The following INTS8 variants were observed in gnomAD, a reference collection of about 807,000 sequenced individuals.
INTS8 encodes the protein integrator complex subunit 8, also known as protein kaonashi-1.
A neutral mutation model predicts 138.9 loss-of-function variants in INTS8; 47 were observed. The observed-to-expected ratio is 0.34, with a 90% CI of 0.27 to 0.43. The LOEUF is 0.43. INTS8 is among the 20% of genes least tolerant of loss of function. The pLI, the probability that INTS8 is intolerant of heterozygous loss-of-function variation, is 1.00. For synonymous variants in INTS8, 392 were observed against 400.9 expected (o/e 0.98, Z 0.27); for missense variants, 996 against 1,173.0 (o/e 0.85, Z 2.20).
intron 8 of INTS8, among the ~76,000 whole-genome samples, chr8:94,840,528 AG>A (rs1815094319): frequency 6.6e-6 from 1 of 150,800 alleles, no homozygotes; most frequent in Non-Finnish European, 1.5e-5. Context: ...ATCACTTGTT[AG>A]CATGTTTTTT....
chr8:94,866,887 T>G (rs1359935143), intron 18 of INTS8: 2 of 398,676 alleles, frequency 5.0e-6, no homozygotes, highest in Non-Finnish European at 9.0e-6. Context: ...TGTGAGGAGT[T>G]GAGCGTGGAG....
At chr8:94,858,597 G>A (rs1224903601) in intron 15 of INTS8, among the ~76,000 whole-genome samples, 4 of 152,168 alleles carry the variant, frequency 2.6e-5, no homozygotes, top group Non-Finnish European at 5.9e-5. Flanking sequence ...TAAGCTTCAG[G>A]TGCATAACTC....
intron 21 of INTS8, 123 bp downstream of exon 21, chr8:94,872,125 A>C: frequency 1.7e-6 from 1 of 586,814 alleles, no homozygotes; most frequent in Non-Finnish European, 3.0e-6. Flanking sequence ...TCTTTAGTAA[A>C]ATTAAAGCAG....
chr8:94,862,994 G>T (rs11782617), intron 16 of INTS8, among the ~76,000 whole-genome samples: 28,249 of 151,904 alleles, frequency 0.19, 2,765 homozygotes, highest in Middle Eastern at 0.28. Context: ...CATATATTAC[G>T]TAATCACAAA....
At chr8:94,863,095 T>C (rs1816053144) in intron 16 of INTS8, among the ~76,000 whole-genome samples, 2 of 152,172 alleles carry the variant, frequency 1.3e-5, no homozygotes, top group Admixed American at 1.3e-4. Context: ...TCAGAGTGGG[T>C]GGCAGTGTCA....
chr8:94,858,064 T>C (rs928140151), intron 15 of INTS8, among the ~76,000 whole-genome samples: 5 of 152,236 alleles, frequency 3.3e-5, no homozygotes, highest in Non-Finnish European at 7.3e-5. Context: ...TAATTGTAAA[T>C]GTCTTACTAT....
At chr8:94,853,070 G>C (rs988214972) in intron 13 of INTS8, among the ~76,000 whole-genome samples, 7 of 152,188 alleles carry the variant, frequency 4.6e-5, no homozygotes, top group Non-Finnish European at 4.4e-5. Flanking sequence ...CCAGCACTTT[G>C]GGGAGCTGAG....
chr8:94,838,616 C>G lies in INTS8; in HGVS notation c.1015C>G (p.Gln339Glu), dbSNP rs1407452097. ...TATTTGTTTGAGATCTGGCAACTAT[C>G]AGGTAAGGTGTATGAGGGGGATGCA... ...VHICLRSGNY[Q>E]EVIQIFIEDN... Residue 339 changes from glutamine (Q) to glutamate (E), a missense_variant and splice_region_variant, in exon 8 of 27, where the codon CAG (glutamine) becomes GAG (glutamate). Physicochemically the swap from Gln to Glu is conservative, Grantham distance 29. Coordinates refer to ENST00000523731, the MANE Select transcript of INTS8 (RefSeq NM_017864.4). 4 of 1,612,150 alleles carry G rather than the reference C, an allele frequency of 2.5e-6. No homozygotes were observed. Among genetic ancestry groups the G allele is most frequent in the Non-Finnish European group, 3.4e-6 (4 of 1,178,488 alleles).
intron 20 of INTS8, among the ~76,000 whole-genome samples, chr8:94,868,503 G>A (rs1586522841): frequency 6.6e-6 from 1 of 152,184 alleles, no homozygotes; most frequent in Admixed American, 6.5e-5. Context: ...ACTTACTGAG[G>A]CTTGTTTCCC....
At chr8:94,861,610 T>C (rs1323897827) in intron 16 of INTS8, among the ~76,000 whole-genome samples, 1 of 149,174 alleles carries the variant, frequency 6.7e-6, no homozygotes, top group Non-Finnish European at 1.5e-5. Context: ...TGGCGTGCAA[T>C]GGCACGATCT....
chr8:94,827,075 A>G (rs1814536301), intron 2 of INTS8, among the ~76,000 whole-genome samples, 188 bp from the exon 3 acceptor site: 1 of 152,212 alleles, frequency 6.6e-6, no homozygotes, highest in South Asian at 2.1e-4. Flanking sequence ...ACTGCACTCC[A>G]GCCTGGGCGA....
chr8:94,831,021 C>T (rs1814693726), intron 5 of INTS8, among the ~76,000 whole-genome samples: 1 of 152,152 alleles, frequency 6.6e-6, no homozygotes, highest in Non-Finnish European at 1.5e-5. Flanking sequence ...TGGTCTTGAA[C>T]TCCTGACCTC....
chr8:94,865,014 A>G (rs951453820), intron 16 of INTS8, among the ~76,000 whole-genome samples: 12 of 147,964 alleles, frequency 8.1e-5, no homozygotes, highest in African/African-American at 7.4e-5. Context: ...CGTTGAAACA[A>G]TTTTTTTTTT....
intron 16 of INTS8, 31 bp from the exon 17 acceptor site, chr8:94,865,475 T>A (rs2131059569): frequency 6.3e-7 from 1 of 1,579,398 alleles, no homozygotes; most frequent in Admixed American, 1.7e-5. Context: ...TTACAGATTA[T>A]CTTTTGTGTA....
At chr8:94,867,883 G>T (rs916973161) in intron 20 of INTS8, 1 of 152,136 alleles carries the variant, frequency 6.6e-6, no homozygotes, top group African/African-American at 2.4e-5. Context: ...GATATAAGTG[G>T]TCCTGATTTT....
intron 20 of INTS8, among the ~76,000 whole-genome samples, chr8:94,868,325 AT>A (rs1242488181): frequency 6.6e-6 from 1 of 152,044 alleles, no homozygotes; most frequent in Non-Finnish European, 1.5e-5. Flanking sequence ...GCCTTATGTT[AT>A]TACTCTTAGT....
chr8:94,845,105 G>C lies in INTS8; in HGVS notation c.1260+2617G>C, dbSNP rs1443870025. ...TCCTAAATTTAATATCAAATTTACC[G>C]ATTTTTTTCCGTTGTAGTGATTTCT... On this transcript the variant is annotated intron_variant, in intron 10 of 26. Transcript: ENST00000523731. 2.0e-5 allele frequency among the ~76,000 whole-genome samples: 3 copies of C among 152,060 alleles called. No homozygotes were observed. The East Asian group carries it at 5.8e-4, about 29-fold the overall frequency.
Position 94,838,503 on chromosome 8 carries a change from G to A in INTS8, c.902G>A (p.Arg301Gln), listed in dbSNP as rs1352378183. 5.0e-6 allele frequency: 8 copies of A among 1,613,446 alleles called. No individual in the cohort carries two copies. Among genetic ancestry groups the A allele is most frequent in the East Asian group, 2.2e-5 (1 of 44,878 alleles). The change falls in exon 8 of 27, where the codon CGG (arginine) becomes CAG (glutamine). Residue 301 changes from arginine (R) to glutamine (Q), a missense_variant. Transcript: ENST00000523731. ...LSLHCTIDEK[R>Q]LAGYCQACDV... ...CTTCATTGTACCATAGATGAGAAGC[G>A]GTTAGCTGGCTATTGTCAAGCATGT...
chr8:94,862,590 C>G lies in INTS8; in HGVS notation c.2077-2916C>G, dbSNP rs967976685. On this transcript the variant is annotated intron_variant, in intron 16 of 26. Coordinates refer to ENST00000523731, the MANE Select transcript of INTS8 (RefSeq NM_017864.4). ...AACTCTGGGAGAGGCTGTCTCACTG[C>G]TTCCTGCAGTTCCCCTGATCTGGTC... 6.6e-5 allele frequency among the ~76,000 whole-genome samples: 10 copies of G among 152,314 alleles called. 1 individual carries two copies. Among genetic ancestry groups the G allele is most frequent in the African/African-American group, 2.4e-4 (10 of 41,558 alleles).
Sources: gnomAD v4.1 joint callset for allele counts (sites outside exome capture counted in the v4.1 genomes callset) on GRCh38, gnomAD v4.1.1 for gene constraint, MANE v1.5 for transcripts, NCBI Gene and HGNC (gene_info 2026-07-23, HGNC 2026-07-21) for gene names.